CA10: variants seen among roughly 807,000 people sequenced by gnomAD.
CA10 encodes the protein carbonic anhydrase 10 (inactive), also known as carbonic anhydrase-related protein 10.
Under a neutral mutation model 44.2 loss-of-function variants are expected in CA10, and 14 were observed. The observed-to-expected ratio is 0.32, with a 90% confidence interval of 0.21 to 0.50. CA10 has a LOEUF of 0.50. Ranked by LOEUF, CA10 falls within the 20% of genes least tolerant of loss-of-function variation. The pLI is 0.99. For missense variants in CA10, 350 were observed against 409.7 expected, an observed-to-expected ratio of 0.85 and a Z score of 1.26; for synonymous variants, 159 against 141.6, an observed-to-expected ratio of 1.12 and a Z score of -0.87.
At chr17:52,050,972 AG>A (rs1987048442) in intron 2 of CA10, among the ~76,000 whole-genome samples, 1 of 151,340 alleles carries the variant, frequency 6.6e-6, no homozygotes, top group Admixed American at 6.6e-5. Flanking sequence ...TGTTTTGACA[AG>A]AAAGAAAAGA....
intron 1 of CA10, among the ~76,000 whole-genome samples, chr17:52,153,593 T>C (rs1045713339): frequency 6.6e-6 from 1 of 152,164 alleles, no homozygotes; most frequent in Non-Finnish European, 1.5e-5. Context: ...GTCTCATTTG[T>C]ATGAGAAGGA....
intron 2 of CA10, among the ~76,000 whole-genome samples, chr17:52,063,747 C>G (rs1987456395): frequency 6.6e-6 from 1 of 152,142 alleles, no homozygotes; most frequent in Admixed American, 6.6e-5. Context: ...TGTACACCAG[C>G]CTGTAGAATC....
At chr17:51,952,554 CAA>C (rs5820888) in intron 2 of CA10, among the ~76,000 whole-genome samples, 67 of 148,418 alleles carry the variant, frequency 4.5e-4, no homozygotes, top group Middle Eastern at 6.9e-3. Flanking sequence ...GACCCTGTCT[CAA>C]AAAAAAAAAA....
rs915821233 is a variant in CA10 at position 51,798,189 on chromosome 17, T to C, written c.280-50371A>G. 5.3e-5 allele frequency among the ~76,000 whole-genome samples: 8 copies of C among 152,232 alleles called. No individual in the cohort carries two copies. The East Asian group carries it at 1.5e-3, about 29-fold the overall frequency. On this transcript the variant is annotated intron_variant, in intron 3 of 8. Transcript: ENST00000451037. ...ATAATACAACACATGGACATTTGGCTGGGCAAGCACATTTATTGATCAAAA... is the reference window on the plus strand; with the variant it reads ...ATAATACAACACATGGACATTTGGCCGGGCAAGCACATTTATTGATCAAAA...
intron 2 of CA10, among the ~76,000 whole-genome samples, chr17:51,943,609 C>T (rs1983166506): frequency 6.6e-6 from 1 of 152,190 alleles, no homozygotes; most frequent in Non-Finnish European, 1.5e-5. Context: ...AGCATCCTTC[C>T]TTACTTTCCT....
intron 2 of CA10, among the ~76,000 whole-genome samples, chr17:51,970,554 G>C (rs1316275793): frequency 6.6e-6 from 1 of 152,056 alleles, no homozygotes; most frequent in African/African-American, 2.4e-5. Flanking sequence ...GCAGAGCATA[G>C]ATGTGTTGCT....
At chr17:51,968,459 A>T (rs532445813) in intron 2 of CA10, among the ~76,000 whole-genome samples, 2 of 152,060 alleles carry the variant, frequency 1.3e-5, no homozygotes, top group East Asian at 3.9e-4. Flanking sequence ...CACTGAGCAA[A>T]AACAAAACAA....
intron 4 of CA10, among the ~76,000 whole-genome samples, chr17:51,658,301 A>G (rs1395536864): frequency 6.6e-6 from 1 of 152,224 alleles, no homozygotes; most frequent in African/African-American, 2.4e-5. Context: ...TTGGAATAAG[A>G]CTGAGAAGGT....
At position 52,072,370 on chromosome 17, in the gene CA10, G is replaced by T; in HGVS notation, c.85C>A (p.His29Asn). 1 of 1,613,326 alleles carries T rather than the reference G, an allele frequency of 6.2e-7. No individual in the cohort carries two copies. The highest frequency in any genetic ancestry group is 1.1e-5 in the South Asian group (1 of 91,050). ...ISAQQNSPKI[H>N]EGWWAYKEVV... ...TCCTTGTATGCCCACCAGCCTTCAT[G>T]GATTTTTGGTGAATTCTGTTGAGCT... Residue 29 changes from histidine (H) to asparagine (N), a missense_variant, in exon 2 of 9, where the codon CAT (histidine) becomes AAT (asparagine). Coordinates refer to ENST00000451037, the MANE Select transcript of CA10 (RefSeq NM_020178.5).
chr17:51,731,625 TG>T (rs1916722327), intron 4 of CA10, among the ~76,000 whole-genome samples: 1 of 120,300 alleles, frequency 8.3e-6, no homozygotes. Context: ...AGCCTACTAC[TG>T]GAAAAGACAC....
intron 4 of CA10, among the ~76,000 whole-genome samples, chr17:51,700,056 G>C (rs547469588): frequency 2.6e-5 from 4 of 152,302 alleles, no homozygotes; most frequent in South Asian, 2.1e-4. Context: ...GTTAGAATAA[G>C]TTTGCACCAT....
At chr17:51,901,727 G>GTACACC (rs950605343) in intron 3 of CA10, among the ~76,000 whole-genome samples, 1 of 152,018 alleles carries the variant, frequency 6.6e-6, no homozygotes, top group African/African-American at 2.4e-5. Flanking sequence ...AAAACATTAG[G>GTACACC]TACACCATGG....
intron 3 of CA10, among the ~76,000 whole-genome samples, chr17:51,854,699 G>A (rs1978959985): frequency 6.6e-6 from 1 of 151,066 alleles, no homozygotes. Flanking sequence ...ATGGTACAAG[G>A]CACTCTAAAG....
intron 3 of CA10, among the ~76,000 whole-genome samples, chr17:51,827,028 A>G (rs1908033660): frequency 6.6e-6 from 1 of 152,098 alleles, no homozygotes; most frequent in African/African-American, 2.4e-5. Context: ...CTCATGATTC[A>G]TCTCCTCAAG....
chr17:51,919,640 T>C (rs1982147016), intron 3 of CA10, among the ~76,000 whole-genome samples: 1 of 152,108 alleles, frequency 6.6e-6, no homozygotes, highest in African/African-American at 2.4e-5. Flanking sequence ...CTGTTAGTTG[T>C]TCTCTTTGTT....
chr17:51,635,146 A>G (rs1422497695), intron 7 of CA10, among the ~76,000 whole-genome samples: 1 of 152,198 alleles, frequency 6.6e-6, no homozygotes, highest in Non-Finnish European at 1.5e-5. Context: ...CTTTAATGGA[A>G]TACAGAAGGT....
At chr17:52,055,357 A>C (rs2143067332) in intron 2 of CA10, among the ~76,000 whole-genome samples, 1 of 152,038 alleles carries the variant, frequency 6.6e-6, no homozygotes, top group Non-Finnish European at 1.5e-5. Context: ...AAAAAAAAAA[A>C]AAAAACAAAG....
intron 1 of CA10, among the ~76,000 whole-genome samples, chr17:52,151,433 T>G (rs1378784754): frequency 6.6e-6 from 1 of 152,164 alleles, no homozygotes; most frequent in Non-Finnish European, 1.5e-5. Flanking sequence ...ACATTTTCCC[T>G]TCTCCACTTG....
chr17:51,649,189 T>C lies in CA10; in HGVS notation c.627A>G (p.Thr209=), dbSNP rs200580432. ...AAATTGAACCAAACTTACTTTTATA[T>C]GTTATTCTTGTGATAGTATCTCTGT... ...MLNRDTITRI[T]YKNDAYLLQG... is the part of the protein sequence containing the mutation. Residue 209 remains threonine, a synonymous_variant, in exon 6 of 9, where the codon ACA becomes ACG. Transcript: ENST00000451037. 6.2e-7 allele frequency: 1 copy of C among 1,611,450 alleles called. No homozygotes were observed.
Sources: gnomAD v4.1 joint callset for allele counts (sites outside exome capture counted in the v4.1 genomes callset) on GRCh38, gnomAD v4.1.1 for gene constraint, MANE v1.5 for transcripts, NCBI Gene and HGNC (gene_info 2026-07-23, HGNC 2026-07-21) for gene names.